The following CECR2 variants were observed in gnomAD, a reference collection of about 807,000 sequenced individuals.
CECR2 encodes chromatin remodeling regulator CECR2.
A neutral mutation model predicts 154.5 loss-of-function variants in CECR2; 30 were observed. That is an observed-to-expected ratio of 0.19 (90% confidence interval 0.15 to 0.26). The LOEUF (loss-of-function observed/expected upper bound fraction) is 0.26, where lower values mean the gene tolerates loss of function less well. Ranked by LOEUF, CECR2 falls within the 10% of genes least tolerant of loss-of-function variation. CECR2 has a pLI of 1.00. For synonymous variants in CECR2, 725 were observed against 683.7 expected (o/e 1.06, Z -0.94); for missense variants, 1,743 against 1,829.3 (o/e 0.95, Z 0.86).
chr22:17,388,789 G>A (rs575754276), intron 1 of CECR2, among the ~76,000 whole-genome samples: 7 of 152,092 alleles, frequency 4.6e-5, no homozygotes, highest in African/African-American at 1.7e-4. Context: ...TCTGGGTTGG[G>A]TTTTTTAAAA....
chr22:17,505,394 G>T (rs1481296234), intron 7 of CECR2, among the ~76,000 whole-genome samples: 6 of 151,726 alleles, frequency 4.0e-5, no homozygotes, highest in Admixed American at 1.3e-4. Flanking sequence ...TCCATTGCCA[G>T]CCCTTTGCCT....
intron 2 of CECR2, among the ~76,000 whole-genome samples, chr22:17,494,149 G>T (rs548366116): frequency 1.3e-5 from 2 of 152,186 alleles, no homozygotes; most frequent in East Asian, 3.9e-4. Context: ...AGGCTGGAGC[G>T]CAATGGCGCG....
chr22:17,404,277 G>T (rs78716752), intron 1 of CECR2, among the ~76,000 whole-genome samples: 2 of 23,014 alleles, frequency 8.7e-5, no homozygotes, highest in African/African-American at 2.0e-4. Flanking sequence ...CGACCCCCCT[G>T]CCAAAAAAAA....
At chr22:17,398,588 C>G (rs1021597306) in intron 1 of CECR2, among the ~76,000 whole-genome samples, 1 of 152,166 alleles carries the variant, frequency 6.6e-6, no homozygotes, top group Admixed American at 6.5e-5. Flanking sequence ...TGGTGCCATC[C>G]ACAGTGCTTC....
chr22:17,466,022 T>C (rs1368205547), intron 1 of CECR2, among the ~76,000 whole-genome samples: 1 of 152,188 alleles, frequency 6.6e-6, no homozygotes, highest in Non-Finnish European at 1.5e-5. Flanking sequence ...TTTATTTATT[T>C]ATTTATATTA....
chr22:17,370,937 A>G (rs1264014191), intron 1 of CECR2, among the ~76,000 whole-genome samples: 4 of 152,178 alleles, frequency 2.6e-5, no homozygotes, highest in Non-Finnish European at 5.9e-5. Context: ...GGTGAATGGC[A>G]ACTGCGTTGG....
chr22:17,432,215 CA>C (rs1209323347), intron 1 of CECR2, among the ~76,000 whole-genome samples: 3 of 152,214 alleles, frequency 2.0e-5, no homozygotes, highest in African/African-American at 7.2e-5. Flanking sequence ...TAAGTGGAAT[CA>C]CACAGCCCTA....
intron 8 of CECR2, among the ~76,000 whole-genome samples, chr22:17,522,370 C>T (rs906040370): frequency 3.9e-5 from 6 of 152,128 alleles, no homozygotes; most frequent in African/African-American, 1.4e-4. Context: ...GAAGTGAGAG[C>T]AGGGATTATG....
chr22:17,372,661 C>T (rs1202784998), intron 1 of CECR2, among the ~76,000 whole-genome samples: 1 of 152,068 alleles, frequency 6.6e-6, no homozygotes, highest in Non-Finnish European at 1.5e-5. Context: ...GGGCGAGACT[C>T]TGTCTCAAAA....
chr22:17,375,334 C>T (rs935623603), intron 1 of CECR2, among the ~76,000 whole-genome samples: 5 of 151,966 alleles, frequency 3.3e-5, no homozygotes, highest in Admixed American at 2.6e-4. Flanking sequence ...AGGCTGGCCT[C>T]GAACTCCCGA....
intron 1 of CECR2, among the ~76,000 whole-genome samples, chr22:17,431,760 T>C (rs1020246088): frequency 3.5e-5 from 5 of 143,708 alleles, no homozygotes; most frequent in African/African-American, 1.4e-4. Context: ...CGTTTTCTAG[T>C]ATCCCTCGTA....
chr22:17,459,383 C>A (rs2054902294), intron 1 of CECR2, among the ~76,000 whole-genome samples: 1 of 152,222 alleles, frequency 6.6e-6, no homozygotes, highest in African/African-American at 2.4e-5. Flanking sequence ...CTGCAACTTC[C>A]CGGGTTCAAG....
At chr22:17,419,546 AGAGGAGGAG>A (rs202213584) in intron 1 of CECR2, 2 of 196,420 alleles carry the variant, frequency 1.0e-5, no homozygotes, top group Non-Finnish European at 1.9e-5. Context: ...AGGAAGAGGA[AGAGGAGGAG>A]GAGGAGGAGG....
At chr22:17,464,015 GC>G (rs2054986832) in intron 1 of CECR2, among the ~76,000 whole-genome samples, 1 of 152,206 alleles carries the variant, frequency 6.6e-6, no homozygotes, top group African/African-American at 2.4e-5. Flanking sequence ...CAACTTAAAT[GC>G]TGCTTTTAAA....
intron 1 of CECR2, among the ~76,000 whole-genome samples, chr22:17,439,952 T>G (rs1450219619): frequency 2.0e-5 from 3 of 152,140 alleles, no homozygotes; most frequent in Non-Finnish European, 4.4e-5. Flanking sequence ...TTGGAGAGAT[T>G]TGCACAAGAT....
chr22:17,372,712 C>T (rs938175654), intron 1 of CECR2, among the ~76,000 whole-genome samples: 3 of 151,990 alleles, frequency 2.0e-5, no homozygotes, highest in Non-Finnish European at 2.9e-5. Flanking sequence ...ATTCAAATGC[C>T]GAGCCGTACC....
intron 2 of CECR2, among the ~76,000 whole-genome samples, chr22:17,486,888 G>T (rs904600130): frequency 2.0e-5 from 3 of 152,050 alleles, no homozygotes; most frequent in Admixed American, 6.6e-5. Flanking sequence ...AACACAAATC[G>T]CTGGGCCTCA....
chr22:17,364,110 G>A (rs1433640728), intron 1 of CECR2, among the ~76,000 whole-genome samples: 2 of 151,862 alleles, frequency 1.3e-5, no homozygotes, highest in African/African-American at 2.4e-5. Context: ...TTGGGAGGCC[G>A]AGGCGGGCAG....
At chr22:17,413,967 G>A (rs969564763) in intron 1 of CECR2, among the ~76,000 whole-genome samples, 42 of 141,228 alleles carry the variant, frequency 3.0e-4, no homozygotes, top group African/African-American at 6.4e-4. Flanking sequence ...GTGAACCACC[G>A]CGCCCGGCCT....
Sources: gnomAD v4.1 joint callset for allele counts (sites outside exome capture counted in the v4.1 genomes callset) on GRCh38, gnomAD v4.1.1 for gene constraint, MANE v1.5 for transcripts, NCBI Gene and HGNC (gene_info 2026-07-23, HGNC 2026-07-21) for gene names.